Variants in CACNG3 observed in about 807,000 individuals in gnomAD.
CACNG3 encodes calcium voltage-gated channel auxiliary subunit gamma 3.
In CACNG3, 3 loss-of-function variants were observed where a neutral mutation model predicts 28.5. The ratio of observed to expected loss-of-function variants is 0.11; its 90% CI spans 0.05 to 0.27. CACNG3 has a LOEUF of 0.27. Among genes scored for constraint, CACNG3 ranks in the 10% least tolerant of loss-of-function variants. CACNG3 has a pLI of 1.00. For missense variants in CACNG3, 236 were observed against 414.4 expected (o/e 0.57, Z 3.74); for synonymous variants, 174 against 162.2 (o/e 1.07, Z -0.55).
intron 1 of CACNG3, among the ~76,000 whole-genome samples, chr16:24,318,743 C>T (rs1899419888): frequency 6.6e-6 from 1 of 152,142 alleles, no homozygotes; most frequent in African/African-American, 2.4e-5. Context: ...GTGCTCTAAC[C>T]AGAGGAAGGG....
intron 1 of CACNG3, among the ~76,000 whole-genome samples, chr16:24,343,076 C>A (rs538791587): frequency 1.2e-4 from 19 of 152,148 alleles, no homozygotes; most frequent in East Asian, 3.9e-4. Flanking sequence ...GTAGTCCCAG[C>A]TACTTGGGAG....
At chr16:24,302,551 C>T (rs1899127252) in intron 1 of CACNG3, among the ~76,000 whole-genome samples, 1 of 152,026 alleles carries the variant, frequency 6.6e-6, no homozygotes, top group Non-Finnish European at 1.5e-5. Context: ...AACTCCTGGG[C>T]TCAAGCCATC....
intron 1 of CACNG3, among the ~76,000 whole-genome samples, chr16:24,318,290 C>T (rs1408192574): frequency 6.6e-6 from 1 of 152,138 alleles, no homozygotes; most frequent in Non-Finnish European, 1.5e-5. Flanking sequence ...CTCCCAGGTT[C>T]AAGCCATTCT....
At chr16:24,282,131 A>G (rs1333841300) in intron 1 of CACNG3, among the ~76,000 whole-genome samples, 1 of 152,178 alleles carries the variant, frequency 6.6e-6, no homozygotes, top group Non-Finnish European at 1.5e-5. Context: ...TTTCCTCACA[A>G]CAACTTTAAA....
intron 1 of CACNG3, among the ~76,000 whole-genome samples, chr16:24,339,626 T>A (rs1361587194): frequency 2.0e-5 from 3 of 152,182 alleles, no homozygotes; most frequent in African/African-American, 7.2e-5. Flanking sequence ...CCTCAGGTGA[T>A]CCACCGGCCT....
chr16:24,277,385 C>T (rs972761251), intron 1 of CACNG3, among the ~76,000 whole-genome samples: 6 of 152,150 alleles, frequency 3.9e-5, no homozygotes, highest in Non-Finnish European at 7.3e-5. Flanking sequence ...ATATCAGGGA[C>T]GCCGCTAAAC....
chr16:24,280,922 C>A (rs1416299329), intron 1 of CACNG3, among the ~76,000 whole-genome samples: 1 of 149,658 alleles, frequency 6.7e-6, no homozygotes, highest in South Asian at 2.1e-4. Flanking sequence ...GGTTGTATAA[C>A]CTAGAATTCA....
At chr16:24,324,892 C>A (rs183311925) in intron 1 of CACNG3, among the ~76,000 whole-genome samples, 4 of 152,260 alleles carry the variant, frequency 2.6e-5, no homozygotes, top group Non-Finnish European at 1.5e-5. Context: ...TTTCCGCTTT[C>A]AACTCTCAGG....
Position 24,313,108 on chromosome 16 carries a change from G to GAAGGAAGGAAGGAAGGAAGC in CACNG3, c.212-33623_212-33622insGAAGGAAGGAAGGAAGCAAG, listed in dbSNP as rs1372732379. ...GGAAGGAAGGAAGGAAGGAAGGAAG[G>GAAGGAAGGAAGGAAGGAAGC]AAGCTTCTGTCATCCAGTAAGCACT... On this transcript the variant is annotated intron_variant, in intron 1 of 3. Transcript: ENST00000005284. 2.4e-4 allele frequency among the ~76,000 whole-genome samples: 36 copies of GAAGGAAGGAAGGAAGGAAGC among 151,268 alleles called. 1 individual carries two copies. Among genetic ancestry groups the GAAGGAAGGAAGGAAGGAAGC allele is most frequent in the African/African-American group, 8.5e-4 (35 of 41,146 alleles).
At chr16:24,289,901 A>G (rs918565048) in intron 1 of CACNG3, among the ~76,000 whole-genome samples, 4 of 152,260 alleles carry the variant, frequency 2.6e-5, no homozygotes, top group African/African-American at 9.6e-5. Context: ...AAAAACTTTC[A>G]GTAATGTTGG....
At chr16:24,267,091 C>T (rs547183413) in intron 1 of CACNG3, among the ~76,000 whole-genome samples, 4 of 151,584 alleles carry the variant, frequency 2.6e-5, no homozygotes, top group South Asian at 2.1e-4. Flanking sequence ...CTCAGCCTCC[C>T]GAGTAGCTGG....
chr16:24,274,756 C>T (rs1039637875), intron 1 of CACNG3, among the ~76,000 whole-genome samples: 4 of 152,160 alleles, frequency 2.6e-5, no homozygotes, highest in African/African-American at 9.7e-5. Flanking sequence ...CTTAAGTTAA[C>T]AACAGCAAGC....
chr16:24,347,239 G>A (rs1348742976), intron 2 of CACNG3, among the ~76,000 whole-genome samples: 1 of 152,076 alleles, frequency 6.6e-6, no homozygotes, highest in African/African-American at 2.4e-5. Context: ...GATCATTTAA[G>A]CCCAGGGGAT....
intron 1 of CACNG3, among the ~76,000 whole-genome samples, chr16:24,337,459 T>C (rs1899727530): frequency 6.6e-6 from 1 of 152,020 alleles, no homozygotes; most frequent in African/African-American, 2.4e-5. Context: ...CTGAGCCCCT[T>C]TTCAGCTCAA....
At position 24,286,045 on chromosome 16, in the gene CACNG3, T is replaced by A. The variant is rs545787991; in HGVS notation, c.211+29080T>A. On this transcript the variant is annotated intron_variant, in intron 1 of 3. Transcript: ENST00000005284. ...TTTTGGTAGCGATGGGGTCTCCCCA[T>A]GTTTCCCAGGCTGTTCTTGAACTCC... 2.6e-5 allele frequency among the ~76,000 whole-genome samples: 4 copies of A among 152,254 alleles called. No homozygotes were observed. In the East Asian group the frequency reaches 7.7e-4, roughly 29 times the overall value.
intron 1 of CACNG3, among the ~76,000 whole-genome samples, chr16:24,321,835 G>T (rs1201196050): frequency 6.6e-6 from 1 of 152,158 alleles, no homozygotes; most frequent in Non-Finnish European, 1.5e-5. Context: ...CTATAATTGT[G>T]CTGTTTTATT....
intron 1 of CACNG3, among the ~76,000 whole-genome samples, chr16:24,298,362 A>G (rs983626308): frequency 6.6e-6 from 1 of 152,164 alleles, no homozygotes; most frequent in Admixed American, 6.6e-5. Flanking sequence ...ATCCCCAGTT[A>G]TTGGGTATTT....
chr16:24,314,672 G>T (rs1180706358), intron 1 of CACNG3, among the ~76,000 whole-genome samples: 2 of 151,680 alleles, frequency 1.3e-5, no homozygotes, highest in South Asian at 2.1e-4. Flanking sequence ...TGTTTCCACC[G>T]ACTCCCAGCA....
intron 1 of CACNG3, among the ~76,000 whole-genome samples, chr16:24,326,704 A>G (rs1423907169): frequency 1.3e-5 from 2 of 152,112 alleles, no homozygotes; most frequent in African/African-American, 4.8e-5. Context: ...CTGACAATGG[A>G]GTCACCCTAT....
Sources: gnomAD v4.1 joint callset for allele counts (sites outside exome capture counted in the v4.1 genomes callset) on GRCh38, gnomAD v4.1.1 for gene constraint, MANE v1.5 for transcripts, NCBI Gene and HGNC (gene_info 2026-07-23, HGNC 2026-07-21) for gene names.